Variants in DNAH3 observed in about 807,000 individuals in gnomAD.
The protein encoded by DNAH3 is dynein axonemal heavy chain 3, also known as axonemal beta dynein heavy chain 3.
DNAH3 carries 332 observed loss-of-function variants against 432.5 expected under a neutral mutation model. That is an observed-to-expected ratio of 0.77 (90% CI 0.70 to 0.84). The LOEUF (loss-of-function observed/expected upper bound fraction) is 0.84. Ranked by LOEUF, DNAH3 falls within the 40% of genes least tolerant of loss-of-function variation. The pLI, the probability that DNAH3 is intolerant of heterozygous loss-of-function variation, is 0.00. For missense variants in DNAH3, 4,861 were observed against 5,114.0 expected (o/e 0.95, Z 1.51); for synonymous variants, 1,956 against 1,900.2 (o/e 1.03, Z -0.76).
intron 61 of DNAH3, among the ~76,000 whole-genome samples, chr16:20,935,060 C>T (rs917634568): frequency 1.3e-5 from 2 of 152,098 alleles, no homozygotes; most frequent in African/African-American, 4.8e-5. Context: ...ATGAAGAGTC[C>T]ACCACATTGA....
chr16:20,976,613 C>G (rs1484093631), intron 50 of DNAH3, among the ~76,000 whole-genome samples: 1 of 152,226 alleles, frequency 6.6e-6, no homozygotes, highest in East Asian at 1.9e-4. Flanking sequence ...TGTTTGTGTC[C>G]TCCTCAGATT....
At chr16:21,082,375 A>AT (rs1447322167) in intron 19 of DNAH3, among the ~76,000 whole-genome samples, 1 of 151,968 alleles carries the variant, frequency 6.6e-6, no homozygotes, top group African/African-American at 2.4e-5. Context: ...CTTTTTAAAA[A>AT]TTTTTTTGTA....
chr16:21,125,041 T>C, intron 9 of DNAH3, 134 bp downstream of exon 10: 1 of 632,122 alleles, frequency 1.6e-6, no homozygotes, highest in Non-Finnish European at 2.6e-6. Context: ...AACAACTGCC[T>C]GATGTGGGTG....
intron 23 of DNAH3, 56 bp from the exon 24 acceptor site, chr16:21,067,475 G>T: frequency 1.3e-6 from 2 of 1,595,776 alleles, no homozygotes; most frequent in Non-Finnish European, 8.6e-7. Flanking sequence ...TTCTGAGATT[G>T]GTCATTGTAT....
chr16:21,146,146 T>C, intron 1 of DNAH3, 58 bp from the exon 3 acceptor site: 1 of 1,291,186 alleles, frequency 7.7e-7, no homozygotes, highest in Non-Finnish European at 1.1e-6. Context: ...TGCAAGCCTC[T>C]GAGTTGGTTA....
intron 20 of DNAH3, among the ~76,000 whole-genome samples, chr16:21,080,979 G>A (rs1050825507): frequency 2.0e-5 from 3 of 151,890 alleles, no homozygotes; most frequent in African/African-American, 4.8e-5. Context: ...GTGCAATGGC[G>A]CTATCTTGGC....
intron 9 of DNAH3, among the ~76,000 whole-genome samples, 155 bp from the exon 11 acceptor site, chr16:21,122,279 G>T (rs955246305): frequency 6.6e-6 from 1 of 152,142 alleles, no homozygotes; most frequent in African/African-American, 2.4e-5. Flanking sequence ...CTGGGGCTGG[G>T]CACCGTGGCT....
chr16:21,086,845 A>G lies in DNAH3; in HGVS notation c.2877+4T>C, dbSNP rs773750561. The G allele has an allele frequency of 4.3e-6, 7 of 1,613,774 alleles. No individual in the cohort carries two copies. Among genetic ancestry groups the G allele is most frequent in the Non-Finnish European group, 5.9e-6 (7 of 1,179,800 alleles). On this transcript the variant is annotated splice_donor_region_variant and intron_variant, in intron 19 of 61. Coordinates refer to ENST00000261383, the Ensembl canonical transcript of DNAH3. ...CTTGGGGGCGGGCAGTGATTGATAG[A>G]AACCTGCTGCCAGTGTCGGTCTTTC...
At position 21,049,739 on chromosome 16, in the gene DNAH3, A is replaced by G. The variant is rs542105352; in HGVS notation, c.4348-57T>C. On this transcript the variant is annotated intron_variant, in intron 30 of 61. Coordinates refer to ENST00000261383, the Ensembl canonical transcript of DNAH3. ...GGGTGGATTCCATCCCATCTGAATT[A>G]CCCCGCACCATTCAACAGCAGTGGG... 39 of 1,517,168 alleles carry G rather than the reference A, an allele frequency of 2.6e-5. 1 individual carries two copies. In the South Asian group the frequency reaches 4.4e-4, roughly 17 times the overall value. 94.0% of individuals were successfully genotyped at this position (1,517,168 alleles called of 1,614,324 possible).
intron 10 of DNAH3, 86 bp downstream of exon 11, chr16:21,121,859 C>G (rs1490657329): frequency 2.0e-5 from 24 of 1,181,240 alleles, no homozygotes; most frequent in Admixed American, 1.2e-4. Flanking sequence ...AATATCCCAG[C>G]GACCTGACTT....
chr16:20,989,666 G>A (rs555822508), intron 44 of DNAH3, among the ~76,000 whole-genome samples: 4 of 152,370 alleles, frequency 2.6e-5, no homozygotes, highest in Non-Finnish European at 5.9e-5. Flanking sequence ...TTGGGTGGTC[G>A]ATGGGACTGG....
At chr16:21,122,636 T>C in intron 9 of DNAH3, among the ~76,000 whole-genome samples, 1 of 152,140 alleles carries the variant, frequency 6.6e-6, no homozygotes, top group Non-Finnish European at 1.5e-5. Flanking sequence ...CCCAAAGCCT[T>C]TATTCCCTTT....
intron 1 of DNAH3, among the ~76,000 whole-genome samples, chr16:21,148,480 C>T (rs986498432): frequency 2.0e-5 from 3 of 151,442 alleles, no homozygotes; most frequent in African/African-American, 7.3e-5. Context: ...CTCTGTCGCC[C>T]AGGCTGGAGT....
At chr16:21,147,496 A>AT (rs1424691302) in intron 1 of DNAH3, among the ~76,000 whole-genome samples, 1 of 152,206 alleles carries the variant, frequency 6.6e-6, no homozygotes, top group Non-Finnish European at 1.5e-5. Flanking sequence ...GATTACAGGC[A>AT]TAAGCCACTC....
rs2083798723 is a variant in DNAH3, at chr16:20,941,298, C to T, written c.11654+103G>A. The T allele has an allele frequency of 6.9e-6, 10 of 1,455,176 alleles. No individual in the cohort carries two copies. The South Asian group carries it at 1.1e-4, about 17-fold the overall frequency. 90.1% of individuals were successfully genotyped at this position (1,455,176 alleles called of 1,614,324 possible). ...ATTCACACCCCTAATACGGGTGGGG[C>T]AAACCACTTCCTCTGCATAGCAACC... On this transcript the variant is annotated intron_variant, in intron 59 of 61. Transcript: ENST00000261383.
chr16:20,975,418 A>G lies in DNAH3; in HGVS notation c.8077-3T>C, dbSNP rs377170630. 1.2e-6 allele frequency: 2 copies of G among 1,612,326 alleles called. No homozygotes were observed. The highest frequency in any genetic ancestry group is 1.3e-5 in the African/African-American group (1 of 74,996). On this transcript the variant is annotated splice_region_variant and splice_polypyrimidine_tract_variant and intron_variant, in intron 50 of 61. Transcript: ENST00000261383. ...AGTTCTCTTTGCATAACCGCTACCT[A>G]GCAAGGAGAGAGGTGGGAGAAATCC...
At chr16:21,095,526 G>A (rs1484306801) in intron 18 of DNAH3, among the ~76,000 whole-genome samples, 2 of 152,156 alleles carry the variant, frequency 1.3e-5, no homozygotes, top group Non-Finnish European at 2.9e-5. Flanking sequence ...ATCAATAGTT[G>A]CCAGGGGTTA....
At position 21,101,580 on chromosome 16, in the gene DNAH3, T is replaced by C. The variant is rs1257189538; in HGVS notation, c.2367-2811A>G. Among the ~76,000 whole-genome samples, 5 of 152,302 alleles carry C rather than the reference T, an allele frequency of 3.3e-5. No individual in the cohort carries two copies. The East Asian group carries it at 7.7e-4, about 23-fold the overall frequency. ...ATTCACTCCCATGTTCAAAGAAAGA[T>C]ACTTTAAGGATTACTTGCAGGGGTG... On this transcript the variant is annotated intron_variant, in intron 16 of 61. Transcript: ENST00000261383.
exon 54 of DNAH3, chr16:20,959,259 G>T: frequency 6.2e-7 from 1 of 1,614,172 alleles, no homozygotes; most frequent in Non-Finnish European, 8.5e-7. Flanking sequence ...TTGCGGCCAG[G>T]TGGCAGTTCT....
Sources: gnomAD v4.1 joint callset for allele counts (sites outside exome capture counted in the v4.1 genomes callset) on GRCh38, gnomAD v4.1.1 for gene constraint, MANE v1.5 for transcripts, NCBI Gene and HGNC (gene_info 2026-07-23, HGNC 2026-07-21) for gene names.